The following LRRC4C variants were observed in gnomAD, a reference collection of about 807,000 sequenced individuals.
The protein encoded by LRRC4C is leucine rich repeat containing 4C.
A neutral mutation model predicts 33.6 loss-of-function variants in LRRC4C; 5 were observed. That is an observed-to-expected ratio of 0.15 (90% confidence interval 0.08 to 0.31). LRRC4C has a LOEUF of 0.31. LRRC4C is among the 10% of genes least tolerant of loss of function. LRRC4C has a pLI of 1.00. For synonymous variants in LRRC4C, 329 were observed against 302.0 expected, an observed-to-expected ratio of 1.09 and a Z score of -0.93; for missense variants, 560 against 796.7, an observed-to-expected ratio of 0.70 and a Z score of 3.58.
At position 40,115,797 on chromosome 11, in the gene LRRC4C, A is replaced by C; in HGVS notation, c.496T>G (p.Tyr166Asp). 6.2e-7 allele frequency: 1 copy of C among 1,614,148 alleles called. No individual in the cohort carries two copies. The highest frequency in any genetic ancestry group is 8.5e-7 in the Non-Finnish European group (1 of 1,179,998). The change falls in exon 7 of 7, where the codon TAT (tyrosine) becomes GAT (aspartate). Residue 166 changes from tyrosine (Y) to aspartate (D), a missense_variant. Transcript: ENST00000528697. The surrounding 1 kb of genome is among the most constrained non-coding windows in gnomAD (Gnocchi z 6.7). ...RNNPIESIPS[Y>D]AFNRIPSLRR... The stretch of plus-strand genomic sequence containing the variant: ...AAAGAAGGAATTCTGTTAAAAGCAT[A>C]AGAAGGGATGCTTTCAATGGGGTTG...
chr11:40,567,457 T>C (rs924095798), intron 3 of LRRC4C, among the ~76,000 whole-genome samples: 5 of 152,208 alleles, frequency 3.3e-5, no homozygotes, highest in Non-Finnish European at 7.3e-5. Flanking sequence ...GACGTAATTA[T>C]AATTGCTCCA....
At chr11:40,548,811 A>C (rs1957025792) in intron 3 of LRRC4C, among the ~76,000 whole-genome samples, 1 of 152,156 alleles carries the variant, frequency 6.6e-6, no homozygotes, top group Admixed American at 6.6e-5. Flanking sequence ...ATAAATAAGA[A>C]AAACGTGAGT....
intron 1 of LRRC4C, among the ~76,000 whole-genome samples, chr11:41,385,068 C>A (rs1953304698): frequency 6.6e-6 from 1 of 150,662 alleles, no homozygotes; most frequent in Non-Finnish European, 1.5e-5. Flanking sequence ...TTTAAACTTA[C>A]ATGAATCTAA....
chr11:40,483,679 T>C (rs1228441058), intron 3 of LRRC4C, among the ~76,000 whole-genome samples: 1 of 151,938 alleles, frequency 6.6e-6, no homozygotes, highest in Non-Finnish European at 1.5e-5. Context: ...TGAAGATAGG[T>C]ATTAAAAGAA....
At chr11:41,159,462 T>A (rs1435644880) in intron 1 of LRRC4C, among the ~76,000 whole-genome samples, 1 of 151,974 alleles carries the variant, frequency 6.6e-6, no homozygotes, top group Non-Finnish European at 1.5e-5. Context: ...GATGAAGAAT[T>A]GACCCAGAAG....
At chr11:40,940,133 G>A (rs187201347) in intron 1 of LRRC4C, among the ~76,000 whole-genome samples, 42 of 152,164 alleles carry the variant, frequency 2.8e-4, no homozygotes, top group Non-Finnish European at 5.1e-4. Context: ...CTGTCACAGT[G>A]TCATCCCTTT....
chr11:40,712,439 A>G (rs1946513679), intron 2 of LRRC4C, among the ~76,000 whole-genome samples: 1 of 152,178 alleles, frequency 6.6e-6, no homozygotes, highest in Non-Finnish European at 1.5e-5. Context: ...ATATTTTTGA[A>G]AAAGGTAAGT....
At chr11:40,421,933 C>A (rs1258601685) in intron 3 of LRRC4C, among the ~76,000 whole-genome samples, 2 of 152,212 alleles carry the variant, frequency 1.3e-5, no homozygotes, top group Admixed American at 1.3e-4. Context: ...GGAGGAACTG[C>A]AAAGTCATCC....
At chr11:40,665,328 ATATAT>A (rs1943717965) in intron 2 of LRRC4C, among the ~76,000 whole-genome samples, 3 of 6,958 alleles carry the variant, frequency 4.3e-4, no homozygotes, top group African/African-American at 1.5e-3. Flanking sequence ...AAAAAAAAAT[ATATAT>A]ATATATATAT....
intron 2 of LRRC4C, among the ~76,000 whole-genome samples, chr11:40,915,836 A>C (rs986374063): frequency 2.6e-5 from 4 of 152,180 alleles, no homozygotes; most frequent in African/African-American, 9.6e-5. Context: ...CAATGAACTC[A>C]AACAAATTTA....
chr11:41,043,003 T>A (rs1218864569), intron 1 of LRRC4C, among the ~76,000 whole-genome samples: 3 of 151,874 alleles, frequency 2.0e-5, no homozygotes, highest in Non-Finnish European at 4.4e-5. Flanking sequence ...CTGTTTTGTT[T>A]TTTTTTTTCC....
intron 3 of LRRC4C, among the ~76,000 whole-genome samples, chr11:40,433,426 G>T (rs1272994190): frequency 3.3e-5 from 5 of 152,084 alleles, no homozygotes; most frequent in Non-Finnish European, 5.9e-5. Context: ...TGGGAAGATT[G>T]TTTGGAAGGA....
At chr11:40,566,528 G>A (rs1227231991) in intron 3 of LRRC4C, among the ~76,000 whole-genome samples, 1 of 152,012 alleles carries the variant, frequency 6.6e-6, no homozygotes, top group African/African-American at 2.4e-5. Flanking sequence ...AACTACAAGA[G>A]ATTATTTAAT....
chr11:41,260,691 A>G lies in LRRC4C; in HGVS notation c.-496+198740T>C, dbSNP rs536961262. Among the ~76,000 whole-genome samples the G allele has an allele frequency of 3.3e-5, 5 of 152,204 alleles. No individual in the cohort carries two copies. In the East Asian group the frequency reaches 9.7e-4, roughly 29 times the overall value. ...GCCACAAGGAAAAAGATAATGGGGAATAACAAAAACAAAACTTAGGAAGAT... is the reference window on the plus strand; with the variant it reads ...GCCACAAGGAAAAAGATAATGGGGAGTAACAAAAACAAAACTTAGGAAGAT... On this transcript the variant is annotated intron_variant, in intron 1 of 6. Coordinates refer to ENST00000528697, the MANE Select transcript of LRRC4C (RefSeq NM_001258419.2).
chr11:40,241,096 A>G (rs1282581421), intron 5 of LRRC4C, among the ~76,000 whole-genome samples: 2 of 152,208 alleles, frequency 1.3e-5, no homozygotes, highest in Non-Finnish European at 2.9e-5. Flanking sequence ...AAATTTAAAA[A>G]TCGTCTGGGT....
intron 2 of LRRC4C, among the ~76,000 whole-genome samples, chr11:40,879,520 C>A (rs1367487353): frequency 6.6e-6 from 1 of 152,114 alleles, no homozygotes; most frequent in Non-Finnish European, 1.5e-5. Flanking sequence ...AAGTCTGAAA[C>A]TCTGTCCTCG....
At chr11:40,602,143 T>A (rs1591244008) in intron 3 of LRRC4C, among the ~76,000 whole-genome samples, 1 of 140,522 alleles carries the variant, frequency 7.1e-6, no homozygotes, top group African/African-American at 2.6e-5. Flanking sequence ...TGCAGTGAGC[T>A]GAGATCGTGC....
At chr11:41,150,159 A>G (rs1943926340) in intron 1 of LRRC4C, among the ~76,000 whole-genome samples, 1 of 152,064 alleles carries the variant, frequency 6.6e-6, no homozygotes. Context: ...CCAAAATGAC[A>G]TTTTCTTACG....
chr11:41,048,445 A>G (rs1166787654), intron 1 of LRRC4C, among the ~76,000 whole-genome samples: 1 of 151,780 alleles, frequency 6.6e-6, no homozygotes, highest in South Asian at 2.1e-4. Flanking sequence ...TTGTATTTTT[A>G]GTAGAGACGG....
Sources: gnomAD v4.1 joint callset for allele counts (sites outside exome capture counted in the v4.1 genomes callset) on GRCh38, gnomAD v4.1.1 for gene constraint, Gnocchi (gnomAD v3.1) non-coding constraint, MANE v1.5 for transcripts, NCBI Gene and HGNC (gene_info 2026-07-23, HGNC 2026-07-21) for gene names.